The following HDAC4 variants were observed in gnomAD, a reference collection of about 807,000 sequenced individuals.
HDAC4 encodes histone deacetylase 4.
HDAC4 carries 16 observed loss-of-function variants against 135.1 expected under a neutral mutation model. The ratio of observed to expected loss-of-function variants is 0.12; its 90% CI spans 0.08 to 0.18. HDAC4 has a LOEUF of 0.18. Ranked by LOEUF, HDAC4 falls within the 10% of genes least tolerant of loss-of-function variation. The pLI is 1.00. For missense variants in HDAC4, 1,143 were observed against 1,511.8 expected (o/e 0.76, Z 4.05); for synonymous variants, 685 against 653.4 (o/e 1.05, Z -0.74).
intron 12 of HDAC4, among the ~76,000 whole-genome samples, chr2:239,118,800 C>T (rs984909878): frequency 1.3e-5 from 2 of 152,166 alleles, no homozygotes; most frequent in Non-Finnish European, 2.9e-5. Flanking sequence ...TCCCCATTTG[C>T]TCTGACAGGT....
chr2:239,216,926 C>T (rs2046674153), intron 3 of HDAC4, among the ~76,000 whole-genome samples: 1 of 152,252 alleles, frequency 6.6e-6, no homozygotes, highest in Non-Finnish European at 1.5e-5. Flanking sequence ...CTAAATGACA[C>T]AGTCCCTGGT....
At chr2:239,164,033 C>T in intron 5 of HDAC4, 110 bp from the exon 6 acceptor site, 1 of 1,345,410 alleles carries the variant, frequency 7.4e-7, no homozygotes. Flanking sequence ...GGCTATGCAC[C>T]TTCAGGACGC....
chr2:239,400,482 GAA>G lies in HDAC4; in HGVS notation c.-220+494_-220+495del, dbSNP rs1696897257. ...GCGAAGCCGCCTCGCGGCGCGGGTG[GAA>G]AGGTCCAGAAGGGGCCGGGCGGCCC... On this transcript the variant is annotated intron_variant, in intron 1 of 26. Coordinates refer to ENST00000543185, the MANE Select transcript of HDAC4 (RefSeq NM_001378414.1). The surrounding 1 kb of genome is among the most constrained non-coding windows in gnomAD (Gnocchi z 4.7). 1 of 146,078 alleles carries G rather than the reference GAA, an allele frequency of 6.8e-6. No homozygotes were observed. Among genetic ancestry groups the G allele is most frequent in the Non-Finnish European group, 1.5e-5 (1 of 65,706 alleles). 9.0% of individuals were successfully genotyped at this position (146,078 alleles called of 1,614,324 possible).
Position 239,146,389 on chromosome 2 carries a change from T to C in HDAC4, c.734-1675A>G, listed in dbSNP as rs2041763338. Among the ~76,000 whole-genome samples the C allele has an allele frequency of 6.6e-6, 1 of 152,338 alleles. No individual in the cohort carries two copies. The highest frequency in any genetic ancestry group is 1.9e-4 in the East Asian group (1 of 5,180). ...CCACTTCTGAGAGGCAGGGGCTGTGTGTGCCCACAGAAGAGCACAGGGTCC... is the reference window on the plus strand; with the variant it reads ...CCACTTCTGAGAGGCAGGGGCTGTGCGTGCCCACAGAAGAGCACAGGGTCC... On this transcript the variant is annotated intron_variant, in intron 7 of 26. Coordinates refer to ENST00000543185, the MANE Select transcript of HDAC4 (RefSeq NM_001378414.1). This position sits in a 1 kb window ranked among gnomAD's most constrained non-coding sequence, Gnocchi z 4.5.
intron 2 of HDAC4, among the ~76,000 whole-genome samples, chr2:239,314,354 C>G (rs2053027939): frequency 6.6e-6 from 1 of 152,164 alleles, no homozygotes; most frequent in African/African-American, 2.4e-5. Context: ...GAGAGGTCAT[C>G]CAGGGTCAGG....
At chr2:239,233,458 G>A (rs1488848952) in intron 3 of HDAC4, among the ~76,000 whole-genome samples, 182 of 128,360 alleles carry the variant, frequency 1.4e-3, no homozygotes, top group Middle Eastern at 4.1e-3. Context: ...TCCAAAATCC[G>A]AAAAAAAAAA....
At chr2:239,392,910 G>A (rs541480846) in intron 1 of HDAC4, among the ~76,000 whole-genome samples, 20 of 152,180 alleles carry the variant, frequency 1.3e-4, no homozygotes, top group Non-Finnish European at 2.4e-4. Context: ...TGTGTAAACC[G>A]GTGGCACTGG....
At chr2:239,124,427 T>C (rs1264166995) in intron 12 of HDAC4, among the ~76,000 whole-genome samples, 1 of 152,264 alleles carries the variant, frequency 6.6e-6, no homozygotes, top group African/African-American at 2.4e-5. Context: ...CCTGGCATCC[T>C]GCTTCCAAGG....
chr2:239,275,321 G>C (rs1378149330), intron 2 of HDAC4, among the ~76,000 whole-genome samples: 1 of 152,252 alleles, frequency 6.6e-6, no homozygotes, highest in African/African-American at 2.4e-5. Context: ...CATGTGGTTT[G>C]ATTGACGCAA....
In HDAC4 at chr2:239,216,398, T is replaced by C. The variant is rs575639644; in HGVS notation, c.94+20195A>G. 5.9e-5 allele frequency among the ~76,000 whole-genome samples: 9 copies of C among 152,142 alleles called. No homozygotes were observed. The East Asian group carries it at 1.5e-3, about 26-fold the overall frequency. On this transcript the variant is annotated intron_variant, in intron 3 of 26. Coordinates refer to ENST00000543185, the MANE Select transcript of HDAC4 (RefSeq NM_001378414.1). The stretch of plus-strand genomic sequence containing the variant: ...CTCATGTTCTGACCTTAAAGACAAC[T>C]GGCGATGAGGAGGAAGACGATGAGG...
At position 239,309,853 on chromosome 2, in the gene HDAC4, C is replaced by G. The variant is rs1002660054; in HGVS notation, c.22+42825G>C. Among the ~76,000 whole-genome samples, 1 of 152,242 alleles carries G rather than the reference C, an allele frequency of 6.6e-6. No homozygotes were observed. Among genetic ancestry groups the G allele is most frequent in the African/African-American group, 2.4e-5 (1 of 41,458 alleles). On this transcript the variant is annotated intron_variant, in intron 2 of 26. Transcript: ENST00000543185. The surrounding 1 kb of genome is among the most constrained non-coding windows in gnomAD (Gnocchi z 4.2). ...GATGTGGCCGTGCCAGCAGGGAGGC[C>G]AGCAGCCCCTAGCAGAAGGGTGTTC... is the stretch of plus-strand genomic sequence containing the variant.
chr2:239,151,162 C>A (rs1374656384), intron 7 of HDAC4, among the ~76,000 whole-genome samples: 2 of 152,266 alleles, frequency 1.3e-5, no homozygotes, highest in African/African-American at 4.8e-5. Context: ...ACTCTACACA[C>A]AGATAAGAAC....
chr2:239,153,315 C>T (rs569706871), intron 7 of HDAC4, among the ~76,000 whole-genome samples: 3 of 152,298 alleles, frequency 2.0e-5, no homozygotes, highest in East Asian at 1.9e-4. Context: ...AACTGTGTGC[C>T]GGGTCAGGAT....
At chr2:239,082,264 T>C in intron 20 of HDAC4, 43 bp from the exon 21 acceptor site, 1 of 1,613,984 alleles carries the variant, frequency 6.2e-7, no homozygotes, top group African/African-American at 1.3e-5. Flanking sequence ...AGGCAGGTAT[T>C]GGAGGGTGGC....
At chr2:239,298,932 C>G (rs1270979160) in intron 2 of HDAC4, among the ~76,000 whole-genome samples, 1 of 144,600 alleles carries the variant, frequency 6.9e-6, no homozygotes, top group Non-Finnish European at 1.5e-5. Flanking sequence ...GCGGTGGCGC[C>G]ATCTCGGCTC....
intron 2 of HDAC4, among the ~76,000 whole-genome samples, chr2:239,325,754 C>A (rs1345752894): frequency 6.6e-6 from 1 of 152,062 alleles, no homozygotes; most frequent in Non-Finnish European, 1.5e-5. Flanking sequence ...CACCTGTGGT[C>A]AGGAGTTCGA....
At chr2:239,294,729 A>T (rs1378378240) in intron 2 of HDAC4, among the ~76,000 whole-genome samples, 1 of 151,950 alleles carries the variant, frequency 6.6e-6, no homozygotes, top group Admixed American at 6.5e-5. Context: ...GAGGCCTCGG[A>T]GGCAGCACAG....
intron 5 of HDAC4, 28 bp from the exon 6 acceptor site, chr2:239,163,951 G>T (rs1403956867): frequency 1.9e-6 from 3 of 1,613,602 alleles, no homozygotes; most frequent in African/African-American, 1.3e-5. Context: ...ATAGCAGGGG[G>T]TGAAGTGTGG....
At chr2:239,359,776 A>G (rs1330835112) in intron 1 of HDAC4, among the ~76,000 whole-genome samples, 4 of 152,180 alleles carry the variant, frequency 2.6e-5, no homozygotes, top group African/African-American at 9.7e-5. Flanking sequence ...CGATTTAGAG[A>G]GGAAGCAGAA....
Sources: gnomAD v4.1 joint callset for allele counts (sites outside exome capture counted in the v4.1 genomes callset) on GRCh38, gnomAD v4.1.1 for gene constraint, Gnocchi (gnomAD v3.1) non-coding constraint, MANE v1.5 for transcripts, NCBI Gene and HGNC (gene_info 2026-07-23, HGNC 2026-07-21) for gene names.